LMF1: variants seen among roughly 807,000 people sequenced by gnomAD.
LMF1 encodes transmembrane protein 112.
LMF1 carries 68 observed loss-of-function variants against 60.6 expected under a neutral mutation model. The observed-to-expected ratio is 1.12, with a 90% CI of 0.92 to 1.37. The LOEUF is 1.37. LMF1 is among the 40% of genes most tolerant of loss of function. LMF1 has a pLI of 0.00. For missense variants in LMF1, 948 were observed against 767.2 expected (o/e 1.24, Z -2.78); for synonymous variants, 418 against 324.7 (o/e 1.29, Z -3.09).
intron 6 of LMF1, among the ~76,000 whole-genome samples, chr16:875,280 G>T (rs1233805461): frequency 6.6e-6 from 1 of 152,050 alleles, no homozygotes; most frequent in Non-Finnish European, 1.5e-5. Context: ...CTCCAAAACG[G>T]GGCCAGCACC....
At chr16:926,139 C>T (rs147296835) in intron 3 of LMF1, among the ~76,000 whole-genome samples, 33 of 149,480 alleles carry the variant, frequency 2.2e-4, no homozygotes, top group South Asian at 4.2e-4. Context: ...TGTGTGCATG[C>T]GTGCACCTGT....
chr16:855,336 T>A, intron 10 of LMF1: 1 of 272,140 alleles, frequency 3.7e-6, no homozygotes, highest in South Asian at 3.9e-5. Context: ...CCCACCCCCA[T>A]CTCCCCTGGA....
chr16:967,733 C>T (rs1273177828), intron 1 of LMF1, among the ~76,000 whole-genome samples: 2 of 152,210 alleles, frequency 1.3e-5, no homozygotes, highest in African/African-American at 2.4e-5. Flanking sequence ...AGATGTGAAC[C>T]GGGTGTCCAG....
chr16:928,718 G>A (rs1166083679), intron 3 of LMF1, among the ~76,000 whole-genome samples: 1 of 150,490 alleles, frequency 6.6e-6, no homozygotes, highest in African/African-American at 2.4e-5. Flanking sequence ...ATCCCCACGG[G>A]CCCACCCCAC....
chr16:979,167 C>T, intron 1 of LMF1: 2 of 440,536 alleles, frequency 4.5e-6, no homozygotes, highest in Non-Finnish European at 9.3e-6. Context: ...ATCCCGACAC[C>T]TCCCTCTCTG....
rs879475828 is a variant in LMF1 at position 922,527 on chromosome 16, C to T, written c.515-11448G>A. ...AACATGGACGTGAAGAAAGTCGCCT[C>T]GGTTTTTGGGTGTGATGTGGTGTTG... On this transcript the variant is annotated intron_variant, in intron 3 of 10. Transcript: ENST00000262301. Among the ~76,000 whole-genome samples the T allele has an allele frequency of 5.9e-5, 9 of 152,018 alleles. 1 individual carries two copies. The South Asian group carries it at 1.2e-3, about 21-fold the overall frequency.
At chr16:908,302 G>A (rs915102057) in intron 4 of LMF1, among the ~76,000 whole-genome samples, 29 of 152,144 alleles carry the variant, frequency 1.9e-4, no homozygotes, top group African/African-American at 6.0e-4. Context: ...AAGTAAACCC[G>A]GAGACAGCAT....
chr16:866,043 C>A (rs763318868), intron 10 of LMF1, among the ~76,000 whole-genome samples: 37 of 152,304 alleles, frequency 2.4e-4, no homozygotes, highest in African/African-American at 8.9e-4. Flanking sequence ...TTACTGCATG[C>A]GTTTTCGACG....
chr16:886,425 T>G (rs982693858), intron 5 of LMF1, among the ~76,000 whole-genome samples: 2 of 151,828 alleles, frequency 1.3e-5, no homozygotes, highest in Non-Finnish European at 2.9e-5. Flanking sequence ...ACTCGCCCAG[T>G]GGGCTGCTCT....
chr16:977,605 G>A (rs967326340), intron 1 of LMF1, among the ~76,000 whole-genome samples: 1 of 152,266 alleles, frequency 6.6e-6, no homozygotes, highest in African/African-American at 2.4e-5. Context: ...CACGCCCGCC[G>A]GGCCCTCCCT....
In LMF1 at chr16:854,692, T is replaced by A. The variant is rs1347511606; in HGVS notation, c.1544A>T (p.Glu515Val). The change falls in exon 11 of 11, where the codon GAG (glutamate) becomes GTG (valine). Residue 515 changes from glutamate to valine, a missense_variant. Coordinates refer to ENST00000262301, the MANE Select transcript of LMF1 (RefSeq NM_022773.4). Reference protein sequence around the residue: ...GRPPPRWVRGEHYRYKFSRPG... With the variant: ...GRPPPRWVRGVHYRYKFSRPG... Reference sequence around the variant, plus strand: ...ACGGCTGAACTTGTACCTGTAGTGCTCTCCTCGGACCCACCTGCAAGGGGG... The same window carrying A: ...ACGGCTGAACTTGTACCTGTAGTGCACTCCTCGGACCCACCTGCAAGGGGG... 1 of 1,594,708 alleles carries A rather than the reference T, an allele frequency of 6.3e-7. No homozygotes were observed. The highest frequency in any genetic ancestry group is 1.3e-5 in the African/African-American group (1 of 74,728).
At chr16:922,349 C>A (rs947944783) in intron 3 of LMF1, among the ~76,000 whole-genome samples, 6 of 152,210 alleles carry the variant, frequency 3.9e-5, no homozygotes, top group African/African-American at 1.2e-4. Context: ...CACCCCCAGC[C>A]CACAGCGACT....
intron 3 of LMF1, among the ~76,000 whole-genome samples, chr16:922,826 C>T (rs1274738247): frequency 1.8e-5 from 2 of 112,174 alleles, no homozygotes; most frequent in African/African-American, 4.0e-5. Flanking sequence ...CGTGTTGTTG[C>T]GAAGGCCCTG....
At chr16:861,350 CTTTCTT>C (rs916414183) in intron 10 of LMF1, among the ~76,000 whole-genome samples, 2 of 125,558 alleles carry the variant, frequency 1.6e-5, no homozygotes, top group African/African-American at 6.1e-5. Flanking sequence ...TATTAATTTT[CTTTCTT>C]TTTTTTTTTT....
At chr16:866,523 G>T (rs533588485) in intron 10 of LMF1, among the ~76,000 whole-genome samples, 2 of 152,198 alleles carry the variant, frequency 1.3e-5, no homozygotes, top group African/African-American at 4.8e-5. Flanking sequence ...CAGGCTCCTC[G>T]TGTGGTCTCC....
At position 854,676 on chromosome 16, in the gene LMF1, C is replaced by T. The variant is rs368273483; in HGVS notation, c.1560G>A (p.Lys520=). 2.0e-5 allele frequency: 32 copies of T among 1,602,486 alleles called. No homozygotes were observed. In the African/African-American group the frequency reaches 3.6e-4, roughly 18 times the overall value. Residue 520 remains lysine (K), a synonymous_variant, in exon 11 of 11, where the codon AAG becomes AAA. Coordinates refer to ENST00000262301, the MANE Select transcript of LMF1 (RefSeq NM_022773.4). ...RWVRGEHYRY[K]FSRPGGRHAA... is the part of the protein sequence containing the mutation. Reference sequence around the variant, plus strand: ...CGTGCCTGCCCCCAGGACGGCTGAACTTGTACCTGTAGTGCTCTCCTCGGA... The same window carrying T: ...CGTGCCTGCCCCCAGGACGGCTGAATTTGTACCTGTAGTGCTCTCCTCGGA...
chr16:892,997 G>T lies in LMF1; in HGVS notation c.729+10C>A. ...GGGTGCCCTGCCCTCACGCTGCACG[G>T]CACGCTCACCTCATAGTGGAAGTCC... is the stretch of plus-strand genomic sequence containing the variant. On this transcript the variant is annotated intron_variant, in intron 5 of 10. Transcript: ENST00000262301. 1 of 1,545,442 alleles carries T rather than the reference G, an allele frequency of 6.5e-7. No homozygotes were observed. The highest frequency in any genetic ancestry group is 1.2e-5 in the South Asian group (1 of 83,908).
Position 955,209 on chromosome 16 carries a change from A to C in LMF1, c.194-543T>G, listed in dbSNP as rs202205640. The stretch of plus-strand genomic sequence containing the variant: ...CACACACATCTAAGTAAACTAGACA[A>C]GTTACATAAAAGGCGTGCCTGCAGC... On this transcript the variant is annotated intron_variant, in intron 1 of 10. Coordinates refer to ENST00000262301, the MANE Select transcript of LMF1 (RefSeq NM_022773.4). Among the ~76,000 whole-genome samples the C allele has an allele frequency of 3.5e-3, 229 of 64,732 alleles. 20 individuals are homozygous for C. The highest frequency in any genetic ancestry group is 9.8e-3 in the African/African-American group (93 of 9,490). 42.5% of individuals were successfully genotyped at this position (64,732 alleles called of 152,430 possible). A position where few individuals can be genotyped will look rare whatever the true frequency, so the allele number is the denominator to read the frequency against.
intron 3 of LMF1, among the ~76,000 whole-genome samples, chr16:924,579 A>C (rs184743345): frequency 1.3e-5 from 2 of 152,280 alleles, no homozygotes; most frequent in Admixed American, 1.3e-4. Context: ...AAGGTTATAA[A>C]ACCACACCAT....
Sources: allele counts gnomAD v4.1 joint callset (sites outside exome capture counted in the v4.1 genomes callset), GRCh38; gene constraint gnomAD v4.1.1; transcripts MANE v1.5; gene names NCBI Gene and HGNC (gene_info 2026-07-23, HGNC 2026-07-21).